Variants in PXDNL observed in about 807,000 individuals in gnomAD.
PXDNL encodes the protein peroxidasin like.
Under a neutral mutation model 150.8 loss-of-function variants are expected in PXDNL, and 145 were observed. That is an observed-to-expected ratio of 0.96 (90% CI 0.84 to 1.10). The LOEUF is 1.10. Among genes scored for constraint, PXDNL ranks in the 50% least tolerant of loss-of-function variants. The probability of loss-of-function intolerance (pLI) is 0.00; values close to 1 mark genes in which losing one functional copy is unlikely to be tolerated. For missense variants in PXDNL, 2,087 were observed against 1,873.9 expected (o/e 1.11, Z -2.10); for synonymous variants, 757 against 725.7 (o/e 1.04, Z -0.69).
chr8:51,455,597 G>T (rs528655476), intron 9 of PXDNL, among the ~76,000 whole-genome samples: 16 of 152,126 alleles, frequency 1.1e-4, no homozygotes, highest in Non-Finnish European at 1.9e-4. Context: ...CCACATTTTA[G>T]GCAGGCAAAA....
intron 17 of PXDNL, among the ~76,000 whole-genome samples, chr8:51,381,924 T>C (rs1475428445): frequency 6.6e-6 from 1 of 152,036 alleles, no homozygotes; most frequent in Non-Finnish European, 1.5e-5. Flanking sequence ...GACTTTAACT[T>C]TCATAACAAT....
intron 3 of PXDNL, among the ~76,000 whole-genome samples, chr8:51,561,602 T>A (rs901445484): frequency 1.3e-5 from 2 of 151,820 alleles, no homozygotes; most frequent in African/African-American, 4.8e-5. Context: ...GACATTAAAC[T>A]AAGTAAAGTA....
intron 5 of PXDNL, among the ~76,000 whole-genome samples, chr8:51,489,519 T>C (rs1041569310): frequency 6.6e-6 from 1 of 152,290 alleles, no homozygotes; most frequent in South Asian, 2.1e-4. Context: ...GGTTTTGCTA[T>C]GTTGCCCAGG....
At chr8:51,380,389 A>G (rs558960729) in intron 17 of PXDNL, among the ~76,000 whole-genome samples, 8 of 152,370 alleles carry the variant, frequency 5.3e-5, no homozygotes, top group African/African-American at 1.7e-4. Flanking sequence ...TGGCACTACA[A>G]TAAGTATATC....
At chr8:51,657,196 C>G (rs1367615314) in intron 1 of PXDNL, among the ~76,000 whole-genome samples, 1 of 152,150 alleles carries the variant, frequency 6.6e-6, no homozygotes, top group African/African-American at 2.4e-5. Flanking sequence ...GCAATTTACT[C>G]ACTAATGTAC....
At chr8:51,359,489 G>C (rs796312895) in intron 19 of PXDNL, among the ~76,000 whole-genome samples, 2 of 151,964 alleles carry the variant, frequency 1.3e-5, no homozygotes, top group Non-Finnish European at 2.9e-5. Context: ...ATATAAAAGA[G>C]AGTAATATGA....
At chr8:51,529,898 G>A (rs1811856493) in intron 4 of PXDNL, among the ~76,000 whole-genome samples, 1 of 152,316 alleles carries the variant, frequency 6.6e-6, no homozygotes, top group East Asian at 1.9e-4. Context: ...AAGTGTAGCA[G>A]CATCCCTGGC....
At chr8:51,389,100 A>C (rs1236384503) in intron 17 of PXDNL, among the ~76,000 whole-genome samples, 1 of 152,078 alleles carries the variant, frequency 6.6e-6, no homozygotes, top group Non-Finnish European at 1.5e-5. Flanking sequence ...TGCTGAAATG[A>C]ATTTTAACTT....
chr8:51,517,080 A>G (rs1302954960), intron 4 of PXDNL, among the ~76,000 whole-genome samples: 1 of 152,174 alleles, frequency 6.6e-6, no homozygotes, highest in East Asian at 1.9e-4. Flanking sequence ...ATTTATTTCA[A>G]TTCATTGTAA....
chr8:51,499,909 A>C, intron 4 of PXDNL, 139 bp from the exon 5 acceptor site: 1 of 588,152 alleles, frequency 1.7e-6, no homozygotes, highest in East Asian at 2.9e-5. Flanking sequence ...AAAATCAGAA[A>C]CTCTGAGATA....
intron 2 of PXDNL, among the ~76,000 whole-genome samples, chr8:51,614,569 T>C (rs892620365): frequency 3.9e-5 from 6 of 152,224 alleles, no homozygotes; most frequent in African/African-American, 4.8e-5. Context: ...AATTCACGAA[T>C]TGTTACTTCC....
chr8:51,662,488 G>A (rs1056877743), intron 1 of PXDNL, among the ~76,000 whole-genome samples: 4 of 152,098 alleles, frequency 2.6e-5, no homozygotes, highest in African/African-American at 9.7e-5. Context: ...TCTAGCCTGG[G>A]TGAAAGAGTG....
intron 4 of PXDNL, among the ~76,000 whole-genome samples, chr8:51,525,783 G>A (rs1811758543): frequency 6.6e-6 from 1 of 152,202 alleles, no homozygotes; most frequent in South Asian, 2.1e-4. Flanking sequence ...TCGCGATGAT[G>A]GCAAGCAGAC....
At chr8:51,409,851 A>G (rs962982424) in intron 16 of PXDNL, among the ~76,000 whole-genome samples, 1 of 152,098 alleles carries the variant, frequency 6.6e-6, no homozygotes, top group Admixed American at 6.5e-5. Context: ...CCAGCCAGAC[A>G]CTAAAAGATG....
chr8:51,378,616 G>C (rs1289243344), intron 17 of PXDNL, among the ~76,000 whole-genome samples: 1 of 152,176 alleles, frequency 6.6e-6, no homozygotes, highest in Non-Finnish European at 1.5e-5. Context: ...AATAAATCTT[G>C]CTGCTGCTCA....
intron 4 of PXDNL, among the ~76,000 whole-genome samples, chr8:51,523,945 G>C (rs540683416): frequency 6.6e-6 from 1 of 152,170 alleles, no homozygotes; most frequent in African/African-American, 2.4e-5. Context: ...TAAAGAGACC[G>C]ATGGGGAAAA....
chr8:51,574,648 A>G (rs6982309), intron 3 of PXDNL, among the ~76,000 whole-genome samples: 72,235 of 151,888 alleles, frequency 0.48, 21,483 homozygotes, highest in African/African-American at 0.84. Flanking sequence ...GAAAACTAAA[A>G]AAAAAGAAAA....
chr8:51,450,534 C>T (rs979170942), intron 10 of PXDNL, among the ~76,000 whole-genome samples: 1 of 152,174 alleles, frequency 6.6e-6, no homozygotes, highest in Non-Finnish European at 1.5e-5. Flanking sequence ...TCTGGAAATA[C>T]AAGAAACATG....
intron 1 of PXDNL, among the ~76,000 whole-genome samples, chr8:51,793,170 C>T (rs895395302): frequency 1.3e-5 from 2 of 152,204 alleles, no homozygotes; most frequent in Non-Finnish European, 2.9e-5. Flanking sequence ...CCACTGATGA[C>T]ACTTGCACGA....
Sources: allele counts gnomAD v4.1 joint callset (sites outside exome capture counted in the v4.1 genomes callset), GRCh38; gene constraint gnomAD v4.1.1; transcripts MANE v1.5; gene names NCBI Gene and HGNC (gene_info 2026-07-23, HGNC 2026-07-21).